RPGR: variants seen among roughly 807,000 people sequenced by gnomAD.
RPGR encodes X-linked retinitis pigmentosa GTPase regulator.
A neutral mutation model predicts 56.3 loss-of-function variants in RPGR; 10 were observed. That is an observed-to-expected ratio of 0.18 (90% CI 0.11 to 0.30). The LOEUF is 0.30. RPGR is among the 10% of genes least tolerant of loss of function. The pLI is 1.00. For synonymous variants in RPGR, 197 were observed against 212.9 expected (o/e 0.93, Z 0.65); for missense variants, 538 against 590.9 (o/e 0.91, Z 0.93).
chrX:38,287,611 AT>A (rs2067210191), intron 14 of RPGR: 2 of 510,823 alleles, frequency 3.9e-6, no homozygotes, highest in East Asian at 7.4e-5. Context: ...GAAAGGACTC[AT>A]CTTTTTTGTA....
chrX:38,312,280 G>A (rs2067732794), intron 6 of RPGR, among the ~76,000 whole-genome samples: 1 of 111,391 alleles, frequency 9.0e-6, no homozygotes, highest in Non-Finnish European at 1.9e-5. Flanking sequence ...CATGCTTGTT[G>A]CCTCCCATAG....
chrX:38,297,750 TAAC>T (rs977058638), intron 10 of RPGR, among the ~76,000 whole-genome samples: 1 of 111,623 alleles, frequency 9.0e-6, no homozygotes, highest in African/African-American at 3.3e-5. Flanking sequence ...AGATGTAAAT[TAAC>T]AACAACTACA....
Position 38,287,200 on chromosome X carries a change from C to A in RPGR, c.1799G>T (p.Gly600Val). 8.3e-7 allele frequency: 1 copy of A among 1,211,099 alleles called. No individual in the cohort carries two copies. The highest frequency in any genetic ancestry group is 1.7e-5 in the African/African-American group (1 of 57,803). ...TGCTTCTACCTCTTGCTCCTCTATT[C>A]CATTTCCTTTTGAATCCTCTGCTCC... is the stretch of plus-strand genomic sequence containing the variant. The change falls in exon 15 of 19, where the codon GGA becomes GTA. Residue 600 changes from glycine (G) to valine (V), a missense_variant. By Grantham distance (109) the Gly-to-Val change is moderately radical (BLOSUM62 -3). Coordinates refer to ENST00000642395, the MANE Select transcript of RPGR (RefSeq NM_000328.3).
chrX:38,299,568 A>G (rs750280418), intron 9 of RPGR, among the ~76,000 whole-genome samples: 50 of 111,708 alleles, frequency 4.5e-4, no homozygotes, highest in Non-Finnish European at 7.7e-4. Flanking sequence ...CTCTTGAGCT[A>G]ATTATGTCTC....
chrX:38,304,900 T>C, intron 7 of RPGR, 110 bp from the exon 8 acceptor site: 2 of 653,887 alleles, frequency 3.1e-6, no homozygotes, highest in Non-Finnish European at 4.8e-6. Flanking sequence ...GTTAAGTGCC[T>C]CTGGGGAAAA....
At chrX:38,326,577 A>G (rs1055722660) in intron 1 of RPGR, 2 of 111,134 alleles carry the variant, frequency 1.8e-5, no homozygotes, top group African/African-American at 6.6e-5. Flanking sequence ...GGAGCTCAGG[A>G]AAAAAAAGGC....
chrX:38,305,048 G>T (rs965063762), intron 7 of RPGR, among the ~76,000 whole-genome samples: 33 of 112,102 alleles, frequency 2.9e-4, no homozygotes, highest in Middle Eastern at 4.2e-3. Flanking sequence ...AGTTAGGTAA[G>T]TAACAGGTAT....
At chrX:38,283,913 T>C (rs2067078670) in intron 15 of RPGR, among the ~76,000 whole-genome samples, 1 of 112,016 alleles carries the variant, frequency 8.9e-6, no homozygotes, top group African/African-American at 3.2e-5. Context: ...ATTTTTATCA[T>C]AGTATTAATT....
At chrX:38,284,853 A>G (rs2067098955) in intron 15 of RPGR, 1 of 750,113 alleles carries the variant, frequency 1.3e-6, no homozygotes, top group South Asian at 6.8e-5. Flanking sequence ...CAAGTTTTAC[A>G]TATTTCCAGA....
chrX:38,292,011 G>C (rs749419624), intron 11 of RPGR, among the ~76,000 whole-genome samples: 2 of 109,492 alleles, frequency 1.8e-5, no homozygotes, highest in East Asian at 2.9e-4. Flanking sequence ...AGCTACACTC[G>C]TGCACTCCCT....
intron 3 of RPGR, among the ~76,000 whole-genome samples, chrX:38,322,371 A>AG (rs1396133486): frequency 8.9e-6 from 1 of 112,022 alleles, no homozygotes; most frequent in African/African-American, 3.2e-5. Context: ...CTTTTACACT[A>AG]GTACTAATCA....
chrX:38,283,324 G>A (rs1276063536), intron 15 of RPGR, among the ~76,000 whole-genome samples: 1 of 111,992 alleles, frequency 8.9e-6, no homozygotes, highest in Non-Finnish European at 1.9e-5. Flanking sequence ...ATGTGGGGTC[G>A]CTTTGGTGAC....
chrX:38,312,953 T>C (rs1427234209), intron 6 of RPGR, among the ~76,000 whole-genome samples: 1 of 103,545 alleles, frequency 9.7e-6, no homozygotes, highest in Non-Finnish European at 2.0e-5. Context: ...AAAAAAAAAA[T>C]GCACCTACCA....
chrX:38,297,416 G>C lies in RPGR; in HGVS notation c.1282C>G (p.Leu428Val), dbSNP rs182345461. 38 of 1,206,505 alleles carry C rather than the reference G, an allele frequency of 3.1e-5. No homozygotes were observed. In the East Asian group the frequency reaches 1.0e-3, roughly 32 times the overall value. Residue 428 changes from leucine to valine, a missense_variant, in exon 11 of 19, where the codon CTA (leucine) becomes GTA (valine). Coordinates refer to ENST00000642395, the MANE Select transcript of RPGR (RefSeq NM_000328.3). Reference sequence around the variant, plus strand: ...CCAAGAGTCCCTTCTATTGGAGGTAGTGTTCTCCTCATTGAAAAAGAATCT... The same window carrying C: ...CCAAGAGTCCCTTCTATTGGAGGTACTGTTCTCCTCATTGAAAAAGAATCT...
chrX:38,295,838 ATCT>A (rs1363074110), intron 11 of RPGR: 1 of 111,595 alleles, frequency 9.0e-6, no homozygotes, highest in Non-Finnish European at 1.9e-5. Flanking sequence ...TGACAGGTTT[ATCT>A]TCTTAATTTC....
At chrX:38,311,277 C>T (rs945712778) in intron 6 of RPGR, among the ~76,000 whole-genome samples, 2 of 112,402 alleles carry the variant, frequency 1.8e-5, no homozygotes, top group Non-Finnish European at 3.8e-5. Flanking sequence ...CCTCCAAAGA[C>T]TCTTACCAAG....
At chrX:38,306,005 A>G (rs1280342364) in intron 7 of RPGR, among the ~76,000 whole-genome samples, 1 of 111,613 alleles carries the variant, frequency 9.0e-6, no homozygotes, top group Non-Finnish European at 1.9e-5. Context: ...ATACTACGTC[A>G]TATGTTTTCT....
intron 3 of RPGR, among the ~76,000 whole-genome samples, 159 bp from the exon 4 acceptor site, chrX:38,321,248 G>A (rs757263437): frequency 1.8e-5 from 2 of 112,249 alleles, no homozygotes; most frequent in Admixed American, 9.4e-5. Context: ...TTTCAGAACT[G>A]GTTGTGTACC....
chrX:38,312,580 C>T (rs764615387), intron 6 of RPGR, among the ~76,000 whole-genome samples: 1 of 111,865 alleles, frequency 8.9e-6, no homozygotes, highest in South Asian at 3.7e-4. Context: ...TTTCTATCTA[C>T]TCCCCAACCT....
Sources: gnomAD v4.1 joint callset for allele counts (sites outside exome capture counted in the v4.1 genomes callset) on GRCh38, gnomAD v4.1.1 for gene constraint, MANE v1.5 for transcripts, NCBI Gene and HGNC (gene_info 2026-07-23, HGNC 2026-07-21) for gene names.